Variants in ADAMTS12 observed in about 807,000 individuals in gnomAD.
The protein encoded by ADAMTS12 is A disintegrin and metalloproteinase with thrombospondin motifs 12.
Under a neutral mutation model 167.8 loss-of-function variants are expected in ADAMTS12, and 118 were observed. That is an observed-to-expected ratio of 0.70 (90% CI 0.61 to 0.82). The LOEUF (loss-of-function observed/expected upper bound fraction) is 0.82, where lower values mean the gene tolerates loss of function less well. Among genes scored for constraint, ADAMTS12 ranks in the 40% least tolerant of loss-of-function variants. ADAMTS12 has a pLI of 0.00. For missense variants in ADAMTS12, 1,916 were observed against 1,998.8 expected (o/e 0.96, Z 0.79); for synonymous variants, 704 against 716.9 (o/e 0.98, Z 0.29).
chr5:33,675,624 CT>C (rs1268891148), intron 5 of ADAMTS12, among the ~76,000 whole-genome samples: 2 of 152,338 alleles, frequency 1.3e-5, no homozygotes, highest in South Asian at 2.1e-4. Flanking sequence ...TACTTCGCCC[CT>C]GTGTAGAACT....
intron 2 of ADAMTS12, among the ~76,000 whole-genome samples, chr5:33,843,603 T>C (rs1748829711): frequency 6.6e-6 from 1 of 152,124 alleles, no homozygotes; most frequent in Non-Finnish European, 1.5e-5. Context: ...TTTTCATAAA[T>C]ATAAAAGGGA....
intron 2 of ADAMTS12, among the ~76,000 whole-genome samples, chr5:33,856,393 C>T (rs2111670258): frequency 6.6e-6 from 1 of 152,200 alleles, no homozygotes; most frequent in Admixed American, 6.5e-5. Flanking sequence ...CTCTTATAGT[C>T]ACACATATTT....
At chr5:33,549,114 G>A in intron 21 of ADAMTS12, 93 bp downstream of exon 21, 2 of 1,451,544 alleles carry the variant, frequency 1.4e-6, no homozygotes, top group Non-Finnish European at 1.9e-6. Flanking sequence ...ACACAGGTGT[G>A]GTCTTCCCTG....
chr5:33,881,333 T>C lies in ADAMTS12; in HGVS notation c.275A>G (p.Tyr92Cys). 6 of 1,614,240 alleles carry C rather than the reference T, an allele frequency of 3.7e-6. No individual in the cohort carries two copies. The highest frequency in any genetic ancestry group is 5.1e-6 in the Non-Finnish European group (6 of 1,180,038). The change falls in exon 2 of 24, where the codon TAC becomes TGC. Residue 92 changes from tyrosine to cysteine, a missense_variant. Transcript: ENST00000504830. The stretch of plus-strand genomic sequence containing the variant: ...CTTCTCCTCGTGAGAAATTCTGTAG[T>C]ACACCCAGTCCTCTGAGCCATCCAA... ...RDLDGSEDWVYYRISHEEKDL... is the reference protein window; with the variant it reads ...RDLDGSEDWVCYRISHEEKDL...
At chr5:33,876,009 C>T (rs1162446447) in intron 2 of ADAMTS12, among the ~76,000 whole-genome samples, 2 of 152,048 alleles carry the variant, frequency 1.3e-5, no homozygotes, top group Non-Finnish European at 2.9e-5. Flanking sequence ...TATGTGTTTA[C>T]ATACTAGCAA....
chr5:33,618,309 G>A lies in ADAMTS12; in HGVS notation c.2144-2237C>T, dbSNP rs139290940. Among the ~76,000 whole-genome samples, 407 of 152,326 alleles carry A rather than the reference G, an allele frequency of 2.7e-3. 1 individual carries two copies. The highest frequency in any genetic ancestry group is 9.0e-3 in the African/African-American group (373 of 41,574). ...GAGGGGTTGATTTTTCTCTCAGGTA[G>A]AAGAGGTGGAGGAAGTGGAGATGGA... On this transcript the variant is annotated intron_variant, in intron 14 of 23. Transcript: ENST00000504830.
At chr5:33,570,037 GT>G (rs1746235892) in intron 19 of ADAMTS12, among the ~76,000 whole-genome samples, 1 of 152,152 alleles carries the variant, frequency 6.6e-6, no homozygotes, top group African/African-American at 2.4e-5. Flanking sequence ...AAGAAGGGAA[GT>G]TTAGAGAAAA....
At chr5:33,582,330 G>C (rs745612391) in intron 18 of ADAMTS12, among the ~76,000 whole-genome samples, 1 of 152,188 alleles carries the variant, frequency 6.6e-6, no homozygotes, top group African/African-American at 2.4e-5. Flanking sequence ...CACACCAAAA[G>C]AGGGAGTGAC....
At chr5:33,693,007 C>T (rs937062689) in intron 3 of ADAMTS12, among the ~76,000 whole-genome samples, 5 of 152,212 alleles carry the variant, frequency 3.3e-5, no homozygotes, top group East Asian at 1.9e-4. Context: ...TGGGTGATTC[C>T]CACTGGACTG....
chr5:33,621,075 T>G (rs557917479), intron 14 of ADAMTS12, among the ~76,000 whole-genome samples: 2 of 152,284 alleles, frequency 1.3e-5, no homozygotes, highest in African/African-American at 4.8e-5. Flanking sequence ...GGAGACCACC[T>G]GGAGAAACTA....
At chr5:33,588,849 T>C in intron 17 of ADAMTS12, 40 bp from the exon 18 acceptor site, 1 of 1,604,856 alleles carries the variant, frequency 6.2e-7, no homozygotes, top group Non-Finnish European at 8.5e-7. Context: ...GATCGCCAAC[T>C]TACGCATATG....
At chr5:33,650,490 T>C (rs1024569858) in intron 7 of ADAMTS12, among the ~76,000 whole-genome samples, 4 of 152,230 alleles carry the variant, frequency 2.6e-5, no homozygotes, top group African/African-American at 9.6e-5. Context: ...TCCTTTTCCA[T>C]ATGAAAAAGT....
Position 33,614,373 on chromosome 5 carries a change from G to T in ADAMTS12, c.2392C>A (p.Leu798Ile), listed in dbSNP as rs901072576. The T allele has an allele frequency of 6.8e-6, 11 of 1,613,884 alleles. No homozygotes were observed. Among genetic ancestry groups the T allele is most frequent in the Non-Finnish European group, 9.3e-6 (11 of 1,179,908 alleles). ...PTNESVWIQL[L>I]FQVTNPGIKY... ...ATGCCAGGGTTAGTCACCTGGAATAGAAGCTAAAAGGCAAGAGAGGGGTCA... is the reference window on the plus strand; with the variant it reads ...ATGCCAGGGTTAGTCACCTGGAATATAAGCTAAAAGGCAAGAGAGGGGTCA... Residue 798 changes from leucine (L) to isoleucine (I), a missense_variant, in exon 16 of 24, where the codon CTA (leucine) becomes ATA (isoleucine). Leu to Ile is a conservative substitution (Grantham distance 5). Coordinates refer to ENST00000504830, the MANE Select transcript of ADAMTS12 (RefSeq NM_030955.4).
At chr5:33,777,374 A>T (rs1345036634) in intron 2 of ADAMTS12, among the ~76,000 whole-genome samples, 2 of 152,186 alleles carry the variant, frequency 1.3e-5, no homozygotes, top group African/African-American at 4.8e-5. Flanking sequence ...ATAATTCTAC[A>T]CACAAAAATT....
At chr5:33,549,506 G>T in intron 20 of ADAMTS12, 123 bp from the exon 21 acceptor site, 1 of 1,201,654 alleles carries the variant, frequency 8.3e-7, no homozygotes, top group Non-Finnish European at 1.2e-6. Context: ...TAGTTCCGGT[G>T]AACCCTGCTT....
chr5:33,828,754 G>A lies in ADAMTS12; in HGVS notation c.489+52365C>T, dbSNP rs368274384. Among the ~76,000 whole-genome samples the A allele has an allele frequency of 4.8e-4, 73 of 152,304 alleles. No homozygotes were observed. The South Asian group carries it at 0.014, about 30-fold the overall frequency. ...TAGGCAGAGGTAAGATGAGAAATAT[G>A]TATGTGGTTGGGAAGCCAACATGAT... On this transcript the variant is annotated intron_variant, in intron 2 of 23. Coordinates refer to ENST00000504830, the MANE Select transcript of ADAMTS12 (RefSeq NM_030955.4).
chr5:33,850,472 A>T lies in ADAMTS12; in HGVS notation c.489+30647T>A, dbSNP rs150477962. On this transcript the variant is annotated intron_variant, in intron 2 of 23. Transcript: ENST00000504830. ...CCCCTTTTACAATCTCAGAGCTAACATGCCCAAAGTTACAGAGCTAATGAC... is the reference window on the plus strand; with the variant it reads ...CCCCTTTTACAATCTCAGAGCTAACTTGCCCAAAGTTACAGAGCTAATGAC... Among the ~76,000 whole-genome samples the T allele has an allele frequency of 3.6e-3, 549 of 152,232 alleles. 3 individuals are homozygous for T. Among genetic ancestry groups the T allele is most frequent in the African/African-American group, 0.013 (526 of 41,530 alleles).
At chr5:33,776,481 A>G (rs1745914498) in intron 2 of ADAMTS12, among the ~76,000 whole-genome samples, 1 of 152,156 alleles carries the variant, frequency 6.6e-6, no homozygotes, top group African/African-American at 2.4e-5. Context: ...GAATCCATGG[A>G]TCAAGATGAA....
chr5:33,699,480 C>T (rs1011560158), intron 3 of ADAMTS12, among the ~76,000 whole-genome samples: 8 of 151,606 alleles, frequency 5.3e-5, no homozygotes, highest in Non-Finnish European at 1.0e-4. Context: ...ATAAAATATA[C>T]GAGAAAAATG....
Sources: gnomAD v4.1 joint callset for allele counts (sites outside exome capture counted in the v4.1 genomes callset) on GRCh38, gnomAD v4.1.1 for gene constraint, MANE v1.5 for transcripts, NCBI Gene and HGNC (gene_info 2026-07-23, HGNC 2026-07-21) for gene names.